The following UFD1 variants were observed in gnomAD, a reference collection of about 807,000 sequenced individuals.
UFD1 encodes ubiquitin recognition factor in ER associated degradation 1.
A neutral mutation model predicts 45.9 loss-of-function variants in UFD1; 13 were observed. The ratio of observed to expected loss-of-function variants is 0.28; its 90% CI spans 0.18 to 0.45. The LOEUF (loss-of-function observed/expected upper bound fraction) is 0.45. Among genes scored for constraint, UFD1 ranks in the 20% least tolerant of loss-of-function variants. The pLI is 1.00. For missense variants in UFD1, 218 were observed against 389.2 expected (o/e 0.56, Z 3.70); for synonymous variants, 128 against 139.2 (o/e 0.92, Z 0.56).
intron 5 of UFD1, 81 bp downstream of exon 5, chr22:19,467,792 T>C (rs2089813940): frequency 7.7e-6 from 12 of 1,565,752 alleles, no homozygotes; most frequent in Non-Finnish European, 1.0e-5. Context: ...CAGGCACAGA[T>C]TCAATACAGT....
At chr22:19,471,487 A>C in intron 4 of UFD1, 200 bp downstream of exon 4, 2 of 813,388 alleles carry the variant, frequency 2.5e-6, no homozygotes, top group South Asian at 2.7e-5. Context: ...AGTGGCCCAC[A>C]GGTGCGTCCA....
At chr22:19,478,191 C>T (rs1405840237) in intron 1 of UFD1, among the ~76,000 whole-genome samples, 1 of 152,192 alleles carries the variant, frequency 6.6e-6, no homozygotes, top group East Asian at 1.9e-4. Flanking sequence ...TCTCACTTTC[C>T]TTTTCAATCC....
chr22:19,451,009 A>G, intron 11 of UFD1: 2 of 1,096,102 alleles, frequency 1.8e-6, no homozygotes, highest in Non-Finnish European at 2.3e-6. Context: ...CTATGATCCC[A>G]GCTACTTGGG....
intron 4 of UFD1, chr22:19,471,172 C>G: frequency 2.0e-6 from 1 of 495,852 alleles, no homozygotes; most frequent in Non-Finnish European, 4.0e-6. Context: ...TATCCCAGCC[C>G]AGATCTGCAA....
intron 1 of UFD1, among the ~76,000 whole-genome samples, chr22:19,478,443 G>T (rs540179720): frequency 6.6e-6 from 1 of 152,304 alleles, no homozygotes; most frequent in African/African-American, 2.4e-5. Context: ...CTCTGTAAAC[G>T]TTAGTTTTCT....
rs1344709660 is a variant in UFD1, at chr22:19,450,188, C to T, written c.*482G>A. The T allele has an allele frequency of 6.6e-6, 1 of 152,474 alleles. No homozygotes were observed. Among genetic ancestry groups the T allele is most frequent in the Non-Finnish European group, 1.5e-5 (1 of 68,242 alleles). The allele number at this position is 152,474 out of a possible 1,614,324, so 9.4% of individuals were successfully genotyped here. A position where few individuals can be genotyped will look rare whatever the true frequency, so the allele number is the denominator to read the frequency against. The stretch of plus-strand genomic sequence containing the variant: ...TCTTTGTCAAATACTTAAATTGCAG[C>T]CACAGTAGTGGGACAGCCACTACTT... On this transcript the variant is annotated 3_prime_UTR_variant, in exon 12 of 12. Coordinates refer to ENST00000263202, the MANE Select transcript of UFD1 (RefSeq NM_005659.7).
Position 19,450,350 on chromosome 22 carries a change from T to C in UFD1, c.*320A>G. ...GACAATTTAGTCACCTTCATAGGTT[T>C]TGACAGAATTAGGGATGCAGAATTG... On this transcript the variant is annotated 3_prime_UTR_variant, in exon 12 of 12. Coordinates refer to ENST00000263202, the MANE Select transcript of UFD1 (RefSeq NM_005659.7). 1 of 280,724 alleles carries C rather than the reference T, an allele frequency of 3.6e-6. No individual in the cohort carries two copies. The highest frequency in any genetic ancestry group is 6.8e-6 in the Non-Finnish European group (1 of 146,596). The allele number at this position is 280,724 out of a possible 1,614,324, so 17.4% of individuals were successfully genotyped here. A position where few individuals can be genotyped will look rare whatever the true frequency, so the allele number is the denominator to read the frequency against.
chr22:19,467,910 T>C lies in UFD1; in HGVS notation c.385A>G (p.Ser129Gly). The part of the protein sequence containing the change: ...VATYSKFQPQ[S>G]PDFLDITNPK... ...TTGGTGATGTCCAGGAAGTCAGGGCTCTGAGGTTGGAATTTGGAGTAGGTG... is the reference window on the plus strand; with the variant it reads ...TTGGTGATGTCCAGGAAGTCAGGGCCCTGAGGTTGGAATTTGGAGTAGGTG... Residue 129 changes from serine to glycine, a missense_variant, in exon 5 of 12, where the codon AGC (serine) becomes GGC (glycine). Physicochemically the swap from Ser to Gly is moderately conservative, Grantham distance 56 (BLOSUM62 0). Coordinates refer to ENST00000263202, the MANE Select transcript of UFD1 (RefSeq NM_005659.7). 6.2e-7 allele frequency: 1 copy of C among 1,614,150 alleles called. No individual in the cohort carries two copies. The highest frequency in any genetic ancestry group is 8.5e-7 in the Non-Finnish European group (1 of 1,180,020).
chr22:19,465,066 TTAA>T (rs1403074238), intron 6 of UFD1, 133 bp downstream of exon 6: 6 of 805,024 alleles, frequency 7.5e-6, no homozygotes, highest in African/African-American at 6.9e-5. Context: ...CCGGGAAAAC[TTAA>T]TAACCAAACA....
At chr22:19,478,974 C>T (rs928760385) in intron 1 of UFD1, 109 bp downstream of exon 1, 3 of 1,446,596 alleles carry the variant, frequency 2.1e-6, no homozygotes, top group East Asian at 2.6e-5. Context: ...GACTCAGGCC[C>T]GGGTGACTCG....
chr22:19,474,966 G>T, intron 3 of UFD1, 102 bp downstream of exon 3: 1 of 1,201,512 alleles, frequency 8.3e-7, no homozygotes, highest in South Asian at 1.5e-5. Context: ...ACCAGATGCT[G>T]ACAAAGGGCA....
chr22:19,456,721 C>T lies in UFD1; in HGVS notation c.631-87G>A, dbSNP rs962020249. On this transcript the variant is annotated intron_variant, in intron 8 of 11. Transcript: ENST00000263202. ...CCCCACCCCCGGCTAGGATGTCCCCCGGAAGCATGGCTGGAAGGGACGCAG... is the reference window on the plus strand; with the variant it reads ...CCCCACCCCCGGCTAGGATGTCCCCTGGAAGCATGGCTGGAAGGGACGCAG... The T allele has an allele frequency of 4.8e-5, 78 of 1,613,112 alleles. 1 individual carries two copies. Among genetic ancestry groups the T allele is most frequent in the Non-Finnish European group, 5.9e-5 (69 of 1,179,402 alleles).
At chr22:19,475,635 C>T in intron 1 of UFD1, 33 bp from the exon 2 acceptor site, 1 of 1,612,884 alleles carries the variant, frequency 6.2e-7, no homozygotes, top group Middle Eastern at 1.6e-4. Flanking sequence ...AGTATTAAAA[C>T]AAAGGTACAT....
At chr22:19,478,597 G>T (rs2089912375) in intron 1 of UFD1, among the ~76,000 whole-genome samples, 1 of 152,014 alleles carries the variant, frequency 6.6e-6, no homozygotes, top group South Asian at 2.1e-4. Context: ...TATCATTACC[G>T]AACACAACAC....
chr22:19,464,178 T>C (rs2089785788), intron 6 of UFD1, among the ~76,000 whole-genome samples: 1 of 152,228 alleles, frequency 6.6e-6, no homozygotes, highest in Non-Finnish European at 1.5e-5. Context: ...GCTGGATCCC[T>C]GCACTGACAC....
intron 6 of UFD1, 146 bp from the exon 7 acceptor site, chr22:19,458,285 G>A: frequency 1.2e-6 from 1 of 801,688 alleles, no homozygotes; most frequent in Admixed American, 2.1e-5. Context: ...TTCTTGCTGT[G>A]ACAACACTGC....
At chr22:19,463,760 T>G (rs887327113) in intron 6 of UFD1, among the ~76,000 whole-genome samples, 1 of 152,228 alleles carries the variant, frequency 6.6e-6, no homozygotes, top group Non-Finnish European at 1.5e-5. Flanking sequence ...AAATTCTCTA[T>G]AAGCACAACA....
chr22:19,451,239 AACTTCCTGTCTAGTAT>A (rs1236817201), intron 11 of UFD1: 7 of 986,600 alleles, frequency 7.1e-6, no homozygotes, highest in Non-Finnish European at 8.4e-6. Context: ...CATGCCAATA[AACTTCCTGTCTAGTAT>A]ACTCCCAAGG....
At chr22:19,473,992 G>T (rs1294432725) in intron 3 of UFD1, among the ~76,000 whole-genome samples, 1 of 152,194 alleles carries the variant, frequency 6.6e-6, no homozygotes, top group Non-Finnish European at 1.5e-5. Flanking sequence ...GGCAATGACT[G>T]CATCCTTGAT....
Sources: allele counts gnomAD v4.1 joint callset (sites outside exome capture counted in the v4.1 genomes callset), GRCh38; gene constraint gnomAD v4.1.1; transcripts MANE v1.5; gene names NCBI Gene and HGNC (gene_info 2026-07-23, HGNC 2026-07-21).